SLIT3: variants seen among roughly 807,000 people sequenced by gnomAD.
SLIT3 encodes slit homolog 3 protein.
A neutral mutation model predicts 184.0 loss-of-function variants in SLIT3; 68 were observed. The observed-to-expected ratio is 0.37, with a 90% CI of 0.30 to 0.45. The LOEUF (loss-of-function observed/expected upper bound fraction) is 0.45, where lower values mean the gene tolerates loss of function less well. Among genes scored for constraint, SLIT3 ranks in the 20% least tolerant of loss-of-function variants. SLIT3 has a pLI of 1.00. For synonymous variants in SLIT3, 831 were observed against 828.6 expected (o/e 1.00, Z -0.05); for missense variants, 1,707 against 2,026.0 (o/e 0.84, Z 3.02).
At chr5:168,877,860 A>AT (rs536072297) in intron 5 of SLIT3, among the ~76,000 whole-genome samples, 14 of 134,468 alleles carry the variant, frequency 1.0e-4, no homozygotes, top group African/African-American at 3.3e-4. Context: ...GCAAGGGGAC[A>AT]TTTAAAAAAA....
intron 1 of SLIT3, among the ~76,000 whole-genome samples, chr5:169,277,131 C>T (rs1045540399): frequency 2.0e-5 from 3 of 151,978 alleles, no homozygotes; most frequent in Non-Finnish European, 4.4e-5. Context: ...TTTGCCTATT[C>T]TGGAAATATG....
intron 4 of SLIT3, among the ~76,000 whole-genome samples, chr5:169,112,090 A>T (rs995997566): frequency 2.6e-5 from 4 of 152,218 alleles, no homozygotes; most frequent in Admixed American, 1.3e-4. Flanking sequence ...GTGACTGCTG[A>T]TGGGGAACGA....
In SLIT3 at chr5:169,251,424, T is replaced by C; in HGVS notation, c.233A>G (p.Lys78Arg). 1 of 1,613,758 alleles carries C rather than the reference T, an allele frequency of 6.2e-7. No homozygotes were observed. The highest frequency in any genetic ancestry group is 8.5e-7 in the Non-Finnish European group (1 of 1,179,638). The change falls in exon 2 of 36, where the codon AAG becomes AGG. Residue 78 changes from lysine (K) to arginine (R), a missense_variant. This residue lies in a region of SLIT3 where 1,307 missense variants were observed against 1,511.6 expected (regional missense o/e 0.86). Transcript: ENST00000519560. ...LDRNNITRIT[K>R]MDFAGLKNLR... ...GTTCTTGAGCCCAGCGAAGTCCATCTTGGTGATCCTGGTGATATTATTTCT... is the reference window on the plus strand; with the variant it reads ...GTTCTTGAGCCCAGCGAAGTCCATCCTGGTGATCCTGGTGATATTATTTCT...
At chr5:169,081,775 G>A (rs1759070884) in intron 4 of SLIT3, among the ~76,000 whole-genome samples, 1 of 152,200 alleles carries the variant, frequency 6.6e-6, no homozygotes. Flanking sequence ...ACCCCCGAAT[G>A]TATTTAAAAA....
intron 4 of SLIT3, among the ~76,000 whole-genome samples, chr5:169,089,714 G>T (rs1680664899): frequency 6.6e-6 from 1 of 152,174 alleles, no homozygotes; most frequent in Admixed American, 6.5e-5. Flanking sequence ...CTCCATCCTG[G>T]ACTGGAAGTC....
intron 4 of SLIT3, among the ~76,000 whole-genome samples, chr5:168,888,231 C>T (rs1361050643): frequency 1.3e-5 from 2 of 152,202 alleles, no homozygotes; most frequent in African/African-American, 2.4e-5. Context: ...GAACTCCTGT[C>T]TCTGAGCAAG....
In SLIT3 at chr5:169,244,752, G is replaced by A. The variant is rs547876170; in HGVS notation, c.294C>T (p.Ser98=). ...CCTGGAAGGCGCCTCTCTCGATGAC[G>A]CTGACCTGGTTGTCTTCCAGATGCC... The part of the protein sequence containing the change: ...RVLHLEDNQV[S]VIERGAFQDL... The change falls in exon 3 of 36, where the codon AGC becomes AGT. Residue 98 remains serine (S), a synonymous_variant. Coordinates refer to ENST00000519560, the MANE Select transcript of SLIT3 (RefSeq NM_003062.4). The A allele has an allele frequency of 6.4e-5, 104 of 1,613,850 alleles. 3 individuals are homozygous for A. In the South Asian group the frequency reaches 1.0e-3, roughly 16 times the overall value.
intron 4 of SLIT3, among the ~76,000 whole-genome samples, chr5:169,068,580 A>AT: frequency 6.6e-6 from 1 of 152,356 alleles, no homozygotes; most frequent in Non-Finnish European, 1.5e-5. Context: ...CATAGCACTC[A>AT]TTTTATAGAA....
chr5:168,786,184 G>A (rs1208548868), intron 11 of SLIT3, among the ~76,000 whole-genome samples: 1 of 152,194 alleles, frequency 6.6e-6, no homozygotes, highest in African/African-American at 2.4e-5. Flanking sequence ...TGGGAGGTGA[G>A]TAGAAATGGG....
intron 4 of SLIT3, among the ~76,000 whole-genome samples, chr5:169,139,978 G>A (rs1267250891): frequency 6.6e-6 from 1 of 152,094 alleles, no homozygotes; most frequent in Non-Finnish European, 1.5e-5. Flanking sequence ...AGGGAGGGGC[G>A]GGCTGGCCTG....
At chr5:169,007,857 G>A (rs1014186316) in intron 4 of SLIT3, among the ~76,000 whole-genome samples, 5 of 152,174 alleles carry the variant, frequency 3.3e-5, no homozygotes, top group Admixed American at 1.3e-4. Context: ...AAAAGTTATC[G>A]CTAGATATTA....
chr5:168,990,659 G>C (rs1047002082), intron 4 of SLIT3, among the ~76,000 whole-genome samples: 1 of 152,108 alleles, frequency 6.6e-6, no homozygotes, highest in Non-Finnish European at 1.5e-5. Flanking sequence ...CATCAGCCAG[G>C]GGTCTTCAAA....
chr5:168,855,784 T>C (rs1362159381), intron 5 of SLIT3, among the ~76,000 whole-genome samples: 3 of 152,058 alleles, frequency 2.0e-5, no homozygotes, highest in African/African-American at 7.2e-5. Context: ...GATGAAAATG[T>C]TTTAGAAATA....
At chr5:169,160,310 G>A (rs528044832) in intron 4 of SLIT3, among the ~76,000 whole-genome samples, 3 of 152,274 alleles carry the variant, frequency 2.0e-5, no homozygotes, top group Admixed American at 2.0e-4. Flanking sequence ...ACTTGCCTAA[G>A]GGCACACATC....
chr5:168,865,943 T>C (rs1054197415), intron 5 of SLIT3, among the ~76,000 whole-genome samples: 2 of 152,190 alleles, frequency 1.3e-5, no homozygotes, highest in African/African-American at 2.4e-5. Flanking sequence ...TTTTTAATGG[T>C]TTAATTCCTT....
intron 32 of SLIT3, among the ~76,000 whole-genome samples, chr5:168,679,032 C>G (rs560653094): frequency 7.7e-4 from 117 of 152,276 alleles, no homozygotes; most frequent in African/African-American, 2.7e-3. Context: ...AGGCATTGGC[C>G]AGAGTGGCCC....
intron 4 of SLIT3, among the ~76,000 whole-genome samples, chr5:169,137,335 C>G (rs7721841): frequency 0.32 from 43,727 of 136,764 alleles, 7,437 homozygotes; most frequent in Middle Eastern, 0.45. Flanking sequence ...CACACACACA[C>G]AGAGAGAGAG....
intron 4 of SLIT3, among the ~76,000 whole-genome samples, chr5:168,961,656 A>T (rs925160277): frequency 6.6e-6 from 1 of 152,152 alleles, no homozygotes; most frequent in Non-Finnish European, 1.5e-5. Flanking sequence ...AGAGAATAGT[A>T]TGTGCAAAGG....
chr5:168,714,194 C>T (rs1211227551), intron 23 of SLIT3, among the ~76,000 whole-genome samples: 1 of 152,208 alleles, frequency 6.6e-6, no homozygotes, highest in Non-Finnish European at 1.5e-5. Flanking sequence ...CTTTTATCAG[C>T]ATCATTTAGC....
Sources: allele counts gnomAD v4.1 joint callset (sites outside exome capture counted in the v4.1 genomes callset), GRCh38; gene constraint gnomAD v4.1.1; regional missense constraint gnomAD v4.1.1; transcripts MANE v1.5; gene names NCBI Gene and HGNC (gene_info 2026-07-23, HGNC 2026-07-21).